Variants in SLC5A8 observed in about 807,000 individuals in gnomAD.
SLC5A8 encodes the protein solute carrier family 5 member 8.
Under a neutral mutation model 71.9 loss-of-function variants are expected in SLC5A8, and 55 were observed. The observed-to-expected ratio is 0.77, with a 90% CI of 0.62 to 0.96. SLC5A8 has a LOEUF of 0.96. SLC5A8 is among the 40% of genes least tolerant of loss of function. SLC5A8 has a pLI of 0.00. For missense variants in SLC5A8, 701 were observed against 745.3 expected (o/e 0.94, Z 0.69); for synonymous variants, 307 against 276.1 (o/e 1.11, Z -1.11).
chr12:101,209,537 G>C lies in SLC5A8; in HGVS notation c.312C>G (p.Leu104=). The C allele has an allele frequency of 2.5e-6, 4 of 1,613,476 alleles. No individual in the cohort carries two copies. Among genetic ancestry groups the C allele is most frequent in the Non-Finnish European group, 3.4e-6 (4 of 1,179,714 alleles). Residue 104 remains leucine, a synonymous_variant, in exon 1 of 15, where the codon CTC becomes CTG. Transcript: ENST00000536262. ...TAATTCCCAGTTTGTAGAACACCGG[G>C]AGGAAGACCTCCGCGCTGATGACCA... The part of the protein sequence containing the change: ...FVVVISAEVF[L]PVFYKLGITS...
At chr12:101,180,529 T>C (rs964545991) in intron 9 of SLC5A8, among the ~76,000 whole-genome samples, 1 of 152,212 alleles carries the variant, frequency 6.6e-6, no homozygotes, top group Non-Finnish European at 1.5e-5. Flanking sequence ...AATTAGACTC[T>C]TCTGACTTTA....
chr12:101,157,551 C>T, intron 14 of SLC5A8, 150 bp from the exon 15 acceptor site: 1 of 942,156 alleles, frequency 1.1e-6, no homozygotes, highest in South Asian at 1.9e-5. Context: ...TATACTTCCT[C>T]AGAGGATACC....
intron 7 of SLC5A8, among the ~76,000 whole-genome samples, chr12:101,186,549 A>T (rs1044679591): frequency 2.0e-5 from 3 of 152,172 alleles, no homozygotes; most frequent in Admixed American, 2.0e-4. Flanking sequence ...TTTTTGAAAG[A>T]CAATAAATGG....
chr12:101,209,916 C>T lies in SLC5A8; in HGVS notation c.-68G>A. 4 of 1,376,818 alleles carry T rather than the reference C, an allele frequency of 2.9e-6. No individual in the cohort carries two copies. Among genetic ancestry groups the T allele is most frequent in the Non-Finnish European group, 3.8e-6 (4 of 1,042,044 alleles). 85.3% of individuals were successfully genotyped at this position (1,376,818 alleles called of 1,614,324 possible). ...CGCGGCGCGCAGCCGGAGCCCGGCG[C>T]GCACTTCTTATCCCGGATCCCTGGC... On this transcript the variant is annotated 5_prime_UTR_variant, in exon 1 of 15. Transcript: ENST00000536262.
intron 10 of SLC5A8, among the ~76,000 whole-genome samples, chr12:101,173,772 C>A (rs1346764123): frequency 1.3e-5 from 2 of 152,212 alleles, no homozygotes; most frequent in Non-Finnish European, 2.9e-5. Context: ...CAGCACATAA[C>A]CCTTCAGCAG....
Position 101,180,062 on chromosome 12 carries a change from A to G in SLC5A8, c.1200T>C (p.Ala400=), listed in dbSNP as rs1175518341. 1 of 1,614,082 alleles carries G rather than the reference A, an allele frequency of 6.2e-7. No homozygotes were observed. The highest frequency in any genetic ancestry group is 1.7e-5 in the Admixed American group (1 of 60,014). Residue 400 remains alanine (A), a synonymous_variant, in exon 10 of 15, where the codon GCT becomes GCC. Transcript: ENST00000536262. ...AAGCTCCCATAAGTGACGCCAGCGC[A>G]GCCATTCCAATACACAGGGCTCCAT... ...VVYGALCIGM[A]ALASLMGALL...
chr12:101,192,419 T>C (rs907896519), intron 5 of SLC5A8, among the ~76,000 whole-genome samples: 18 of 147,438 alleles, frequency 1.2e-4, no homozygotes, highest in Admixed American at 4.1e-4. Context: ...GGTTTTTTTT[T>C]CTTCAAACTG....
intron 10 of SLC5A8, among the ~76,000 whole-genome samples, chr12:101,168,927 T>G (rs771871133): frequency 6.6e-6 from 1 of 152,180 alleles, no homozygotes; most frequent in Non-Finnish European, 1.5e-5. Context: ...AGGGGTTTAA[T>G]AGAGCAGAAT....
intron 10 of SLC5A8, among the ~76,000 whole-genome samples, chr12:101,172,352 T>C (rs919332704): frequency 2.0e-5 from 3 of 152,180 alleles, no homozygotes; most frequent in East Asian, 1.9e-4. Context: ...AAGGTGGAAG[T>C]TGATGCTCAG....
intron 9 of SLC5A8, among the ~76,000 whole-genome samples, chr12:101,182,430 G>C (rs7313864): frequency 0.19 from 28,722 of 152,088 alleles, 3,033 homozygotes; most frequent in African/African-American, 0.26. Context: ...ATATTTCTTA[G>C]AACTGTGGAC....
intron 12 of SLC5A8, among the ~76,000 whole-genome samples, chr12:101,165,272 T>C (rs973990141): frequency 2.0e-5 from 3 of 152,244 alleles, no homozygotes; most frequent in Non-Finnish European, 2.9e-5. Context: ...AGCTAATTTA[T>C]TTGTTTCAGG....
Position 101,190,465 on chromosome 12 carries a change from TAC to T in SLC5A8, c.833+1_833+2del. The T allele has an allele frequency of 6.2e-7, 1 of 1,612,234 alleles. No homozygotes were observed. The highest frequency in any genetic ancestry group is 1.1e-5 in the South Asian group (1 of 90,724). ...GATTCATATACCATGGTGTGTGACT[TAC>T]AGTTTTGCCTGGAATCTGCTTTTAC... On this transcript the variant is annotated splice_donor_variant, in intron 6 of 14. Transcript: ENST00000536262. LOFTEE classifies it high-confidence loss of function.
rs1048044094 is a variant in SLC5A8, at chr12:101,156,916, C to T, written c.*363G>A. 2.3e-5 allele frequency: 4 copies of T among 172,730 alleles called. No homozygotes were observed. The highest frequency in any genetic ancestry group is 4.9e-5 in the Non-Finnish European group (4 of 81,174). The allele number at this position is 172,730 out of a possible 1,614,324, so 10.7% of individuals were successfully genotyped here. ...AAACTTCCAAACTTATATGCTAGCA[C>T]CAAGGCATGGAAAATATTTTCAATA... On this transcript the variant is annotated 3_prime_UTR_variant, in exon 15 of 15. Transcript: ENST00000536262.
chr12:101,178,298 T>C (rs2051899898), intron 10 of SLC5A8, among the ~76,000 whole-genome samples: 1 of 152,104 alleles, frequency 6.6e-6, no homozygotes, highest in Non-Finnish European at 1.5e-5. Context: ...ACAGACAAGA[T>C]TATCCTAGAC....
intron 3 of SLC5A8, among the ~76,000 whole-genome samples, chr12:101,198,427 C>T (rs939763596): frequency 4.0e-5 from 6 of 151,520 alleles, no homozygotes; most frequent in Non-Finnish European, 7.4e-5. Flanking sequence ...GAAAACTTAT[C>T]GATATTAGGA....
At position 101,166,555 on chromosome 12, in the gene SLC5A8, A is replaced by C; in HGVS notation, c.1465T>G (p.Leu489Val). 2.5e-6 allele frequency: 4 copies of C among 1,614,002 alleles called. No homozygotes were observed. Among genetic ancestry groups the C allele is most frequent in the Non-Finnish European group, 3.4e-6 (4 of 1,179,938 alleles). ...GCNSTYNETN[L>V]MTTTEMPFTT... ...AATGGCATTTCTGTGGTTGTCATCAAATTTGTCTCATTGTAGGTGCTGTTA... is the reference window on the plus strand; with the variant it reads ...AATGGCATTTCTGTGGTTGTCATCACATTTGTCTCATTGTAGGTGCTGTTA... Residue 489 changes from leucine (L) to valine (V), a missense_variant, in exon 12 of 15, where the codon TTG (leucine) becomes GTG (valine). Coordinates refer to ENST00000536262, the MANE Select transcript of SLC5A8 (RefSeq NM_145913.5).
rs777428962 is a variant in SLC5A8, at chr12:101,166,520, A to T, written c.1500T>A (p.Ser500Arg). 1.6e-5 allele frequency: 26 copies of T among 1,613,676 alleles called. No homozygotes were observed. In the African/African-American group the frequency reaches 2.7e-4, roughly 17 times the overall value. ...TTTGAACATTGTATATTTGAAAAACACTAGTAGTAAATGGCATTTCTGTGG... is the reference window on the plus strand; with the variant it reads ...TTTGAACATTGTATATTTGAAAAACTCTAGTAGTAAATGGCATTTCTGTGG... ...MTTTEMPFTT[S>R]VFQIYNVQRT... The change falls in exon 12 of 15, where the codon AGT (serine) becomes AGA (arginine). Residue 500 changes from serine to arginine, a missense_variant. Physicochemically the swap from Ser to Arg is moderately radical, Grantham distance 110 (BLOSUM62 -1). Coordinates refer to ENST00000536262, the MANE Select transcript of SLC5A8 (RefSeq NM_145913.5).
chr12:101,175,667 G>A (rs1289948371), intron 10 of SLC5A8, among the ~76,000 whole-genome samples: 1 of 152,040 alleles, frequency 6.6e-6, no homozygotes. Flanking sequence ...CTCCTTACCT[G>A]TAAGGGAAAA....
At chr12:101,195,422 GTAAT>G (rs2137161070) in intron 3 of SLC5A8, among the ~76,000 whole-genome samples, 1 of 152,228 alleles carries the variant, frequency 6.6e-6, no homozygotes, top group South Asian at 2.1e-4. Context: ...CGTTTATATT[GTAAT>G]TAAGCTAAGA....
Sources: allele counts gnomAD v4.1 joint callset (sites outside exome capture counted in the v4.1 genomes callset), GRCh38; gene constraint gnomAD v4.1.1; transcripts MANE v1.5; gene names NCBI Gene and HGNC (gene_info 2026-07-23, HGNC 2026-07-21).